The following BIRC6 variants were observed in gnomAD, a reference collection of about 807,000 sequenced individuals.
The protein encoded by BIRC6 is baculoviral IAP repeat containing 6, also known as dual E2 ubiquitin-conjugating enzyme/E3 ubiquitin-protein ligase BIRC6.
Under a neutral mutation model 503.3 loss-of-function variants are expected in BIRC6, and 98 were observed. That is an observed-to-expected ratio of 0.19 (90% CI 0.17 to 0.23). The LOEUF is 0.23. Among genes scored for constraint, BIRC6 ranks in the 10% least tolerant of loss-of-function variants. The probability of loss-of-function intolerance (pLI) is 1.00; values close to 1 mark genes in which losing one functional copy is unlikely to be tolerated. For missense variants in BIRC6, 5,360 were observed against 5,806.0 expected, an observed-to-expected ratio of 0.92 and a Z score of 2.50; for synonymous variants, 2,240 against 2,078.7, an observed-to-expected ratio of 1.08 and a Z score of -2.11.
chr2:32,412,492 T>C (rs2041990699), intron 9 of BIRC6, among the ~76,000 whole-genome samples: 1 of 150,864 alleles, frequency 6.6e-6, no homozygotes, highest in Admixed American at 6.6e-5. Flanking sequence ...AGTGAGACTT[T>C]GTCTCAAAAA....
intron 23 of BIRC6, among the ~76,000 whole-genome samples, chr2:32,459,821 T>C (rs1039253719): frequency 2.3e-4 from 35 of 151,896 alleles, no homozygotes; most frequent in African/African-American, 7.2e-4. Context: ...TTAATTGTTA[T>C]GTTGTTATAA....
At chr2:32,495,502 A>G (rs1219880479) in intron 45 of BIRC6, among the ~76,000 whole-genome samples, 2 of 152,238 alleles carry the variant, frequency 1.3e-5, no homozygotes, top group Non-Finnish European at 2.9e-5. Context: ...TACTCGGTAT[A>G]AAGAAGGCAT....
chr2:32,490,270 A>G lies in BIRC6; in HGVS notation c.8206+119A>G, dbSNP rs1482654319. On this transcript the variant is annotated intron_variant, in intron 43 of 73. Coordinates refer to ENST00000421745, the MANE Select transcript of BIRC6 (RefSeq NM_016252.4). ...ACTTGTCAAAGTGGTTGAGTTGGCC[A>G]GATGTGGTGGCTCACGCCTGTAAAC... The G allele has an allele frequency of 3.4e-6, 3 of 878,510 alleles. No homozygotes were observed. In the Admixed American group the frequency reaches 6.2e-5, roughly 18 times the overall value. The allele number at this position is 878,510 out of a possible 1,614,324, so 54.4% of individuals were successfully genotyped here. A position where few individuals can be genotyped will look rare whatever the true frequency, so the allele number is the denominator to read the frequency against.
chr2:32,517,536 C>CTT (rs1409096514), intron 55 of BIRC6, among the ~76,000 whole-genome samples: 1 of 152,074 alleles, frequency 6.6e-6, no homozygotes, highest in Non-Finnish European at 1.5e-5. Context: ...CTTTGTGTCC[C>CTT]ATTGATTTCT....
chr2:32,517,118 C>T (rs941460699), intron 55 of BIRC6, among the ~76,000 whole-genome samples: 7 of 152,088 alleles, frequency 4.6e-5, no homozygotes, highest in Non-Finnish European at 1.0e-4. Flanking sequence ...AACACTTGAG[C>T]TTAGAAGTTT....
chr2:32,607,713 C>T lies in BIRC6; in HGVS notation c.14259+70C>T, dbSNP rs564119752. The T allele has an allele frequency of 4.2e-5, 57 of 1,356,502 alleles. No individual in the cohort carries two copies. The South Asian group carries it at 7.7e-4, about 18-fold the overall frequency. The allele number at this position is 1,356,502 out of a possible 1,614,324, so 84.0% of individuals were successfully genotyped here. On this transcript the variant is annotated intron_variant, in intron 72 of 73. Coordinates refer to ENST00000421745, the MANE Select transcript of BIRC6 (RefSeq NM_016252.4). ...ACAATATAGGCTGGGCATGGTGGCTCATGCCTGTAATCTCAGCACTTTGGG... is the reference window on the plus strand; with the variant it reads ...ACAATATAGGCTGGGCATGGTGGCTTATGCCTGTAATCTCAGCACTTTGGG...
intron 6 of BIRC6, among the ~76,000 whole-genome samples, chr2:32,396,244 A>G (rs1433550684): frequency 2.0e-5 from 3 of 152,238 alleles, no homozygotes; most frequent in African/African-American, 7.2e-5. Context: ...GGAGGGAACT[A>G]TGAATATTTT....
intron 66 of BIRC6, among the ~76,000 whole-genome samples, chr2:32,575,764 C>T (rs77956504): frequency 8.6e-6 from 1 of 116,410 alleles, no homozygotes; most frequent in Non-Finnish European, 1.8e-5. Flanking sequence ...GACTCCGTCT[C>T]AAAAAAAAAA....
chr2:32,515,013 C>T lies in BIRC6; in HGVS notation c.10592C>T (p.Ser3531Phe), dbSNP rs756276562. The T allele has an allele frequency of 6.2e-7, 1 of 1,613,594 alleles. No homozygotes were observed. Among genetic ancestry groups the T allele is most frequent in the South Asian group, 1.1e-5 (1 of 91,070 alleles). ...LFELLFNWSM[S>F]LPCNMVLKKA... Reference sequence around the variant, plus strand: ...AGGTTACTTTTTAATTGGTCCATGTCTCTTCCCTGCAATATGGTTTTGAAG... The same window carrying T: ...AGGTTACTTTTTAATTGGTCCATGTTTCTTCCCTGCAATATGGTTTTGAAG... Residue 3531 changes from serine (S) to phenylalanine (F), a missense_variant, in exon 55 of 74, where the codon TCT (serine) becomes TTT (phenylalanine). By Grantham distance (155) the Ser-to-Phe change is radical (BLOSUM62 -2). Coordinates refer to ENST00000421745, the MANE Select transcript of BIRC6 (RefSeq NM_016252.4).
chr2:32,462,915 G>A (rs1306670453), intron 23 of BIRC6, among the ~76,000 whole-genome samples: 2 of 148,968 alleles, frequency 1.3e-5, no homozygotes, highest in Non-Finnish European at 1.5e-5. Flanking sequence ...AGATCACGCC[G>A]CTGCACTCCA....
At chr2:32,564,771 G>A (rs1446294269) in intron 65 of BIRC6, 1 of 152,290 alleles carries the variant, frequency 6.6e-6, no homozygotes, top group Admixed American at 6.5e-5. Context: ...GTGGTAGGAT[G>A]GGAAATGCTG....
chr2:32,499,456 A>C, intron 45 of BIRC6, 91 bp from the exon 46 acceptor site: 1 of 1,160,690 alleles, frequency 8.6e-7, no homozygotes. Context: ...CTACTTTCAG[A>C]ACTACTTAAA....
chr2:32,558,184 G>T (rs563780980), intron 65 of BIRC6, among the ~76,000 whole-genome samples: 1 of 152,174 alleles, frequency 6.6e-6, no homozygotes, highest in African/African-American at 2.4e-5. Flanking sequence ...TAACATTTGG[G>T]CTGAAGAGCC....
chr2:32,483,513 C>G (rs139259884), intron 39 of BIRC6, among the ~76,000 whole-genome samples: 1 of 152,272 alleles, frequency 6.6e-6, no homozygotes, highest in Admixed American at 6.5e-5. Context: ...AGGAAATTAA[C>G]GTTACTGCTG....
chr2:32,510,990 A>G (rs2054330794), intron 53 of BIRC6, among the ~76,000 whole-genome samples: 1 of 152,168 alleles, frequency 6.6e-6, no homozygotes, highest in African/African-American at 2.4e-5. Context: ...TTATATGTGT[A>G]TATGAATGTA....
intron 66 of BIRC6, among the ~76,000 whole-genome samples, chr2:32,587,353 C>T (rs562851540): frequency 1.3e-4 from 20 of 152,204 alleles, no homozygotes; most frequent in African/African-American, 4.6e-4. Context: ...CGCCACTGCC[C>T]TCCAACCTGG....
chr2:32,413,696 T>A (rs2042130730), intron 9 of BIRC6, among the ~76,000 whole-genome samples: 1 of 149,092 alleles, frequency 6.7e-6, no homozygotes, highest in Non-Finnish European at 1.5e-5. Context: ...TGATTATGTC[T>A]TAAGAAAAAA....
chr2:32,478,949 G>A (rs889524351), intron 36 of BIRC6, 131 bp downstream of exon 36: 3 of 821,326 alleles, frequency 3.7e-6, no homozygotes, highest in Admixed American at 3.1e-5. Flanking sequence ...CTGTTTAATC[G>A]GTGTGATGTT....
intron 21 of BIRC6, among the ~76,000 whole-genome samples, chr2:32,447,658 C>T (rs1229097600): frequency 3.7e-5 from 4 of 107,258 alleles, no homozygotes; most frequent in Admixed American, 8.5e-5. Flanking sequence ...AGGGGGCTGA[C>T]CCCCCCTCCC....
Sources: gnomAD v4.1 joint callset for allele counts (sites outside exome capture counted in the v4.1 genomes callset) on GRCh38, gnomAD v4.1.1 for gene constraint, MANE v1.5 for transcripts, NCBI Gene and HGNC (gene_info 2026-07-23, HGNC 2026-07-21) for gene names.